The following L3MBTL4 variants were observed in gnomAD, a reference collection of about 807,000 sequenced individuals.
L3MBTL4 encodes lethal(3)malignant brain tumor-like protein 4.
Under a neutral mutation model 84.5 loss-of-function variants are expected in L3MBTL4, and 70 were observed. That is an observed-to-expected ratio of 0.83 (90% CI 0.68 to 1.01). L3MBTL4 has a LOEUF of 1.01. Among genes scored for constraint, L3MBTL4 ranks in the 50% least tolerant of loss-of-function variants. The pLI, the probability that L3MBTL4 is intolerant of heterozygous loss-of-function variation, is 0.00. For missense variants in L3MBTL4, 715 were observed against 754.8 expected (o/e 0.95, Z 0.62); for synonymous variants, 274 against 259.8 (o/e 1.05, Z -0.52).
chr18:6,157,215 C>T (rs2043142464), intron 13 of L3MBTL4, among the ~76,000 whole-genome samples: 1 of 152,154 alleles, frequency 6.6e-6, no homozygotes, highest in South Asian at 2.1e-4. Context: ...CTGCTGATTA[C>T]TTGCTTGCTG....
rs958772425 is a variant in L3MBTL4 at position 6,414,150 on chromosome 18, C to T, written c.-91+651G>A. 1 of 152,274 alleles carries T rather than the reference C, an allele frequency of 6.6e-6. No homozygotes were observed. The highest frequency in any genetic ancestry group is 2.4e-5 in the African/African-American group (1 of 41,458). The allele number at this position is 152,274 out of a possible 1,614,324, so 9.4% of individuals were successfully genotyped here. On this transcript the variant is annotated intron_variant, in intron 1 of 18. Transcript: ENST00000317931. The surrounding 1 kb of genome is among the most constrained non-coding windows in gnomAD (Gnocchi z 5.4). ...CAGGCGGTGGCAGGAGCCTGAGAGC[C>T]GCCGTCCCAGGCTGGCCAGGCGCCC... is the stretch of plus-strand genomic sequence containing the variant.
intron 1 of L3MBTL4, among the ~76,000 whole-genome samples, chr18:6,366,967 C>G (rs1477095534): frequency 6.6e-6 from 1 of 152,218 alleles, no homozygotes; most frequent in Non-Finnish European, 1.5e-5. Context: ...CAGTGCCTGG[C>G]AGTGACCTGA....
At chr18:6,011,710 T>C (rs1456873564) in intron 16 of L3MBTL4, among the ~76,000 whole-genome samples, 1 of 152,190 alleles carries the variant, frequency 6.6e-6, no homozygotes, top group African/African-American at 2.4e-5. Context: ...AAGTAGTCAC[T>C]AGCAATTAAT....
intron 1 of L3MBTL4, among the ~76,000 whole-genome samples, chr18:6,403,284 T>C (rs555131375): frequency 6.6e-6 from 1 of 152,356 alleles, no homozygotes; most frequent in African/African-American, 2.4e-5. Context: ...TCTGTGTATA[T>C]TAAGTAAAGG....
intron 14 of L3MBTL4, among the ~76,000 whole-genome samples, chr18:6,134,373 C>G (rs918256382): frequency 1.3e-5 from 2 of 152,158 alleles, no homozygotes; most frequent in African/African-American, 4.8e-5. Context: ...CATTTCAAAA[C>G]CCATCATGCC....
At position 6,093,060 on chromosome 18, in the gene L3MBTL4, T is replaced by A. The variant is rs373152902; in HGVS notation, c.1373+295A>T. Among the ~76,000 whole-genome samples the A allele has an allele frequency of 3.9e-5, 6 of 152,320 alleles. No individual in the cohort carries two copies. In the South Asian group the frequency reaches 6.2e-4, roughly 16 times the overall value. The stretch of plus-strand genomic sequence containing the variant: ...TCAAAAGAATAAAGACTTTTTAAGA[T>A]AAAAGGGAATCTTTTGGAATGGTAC... On this transcript the variant is annotated intron_variant, in intron 15 of 18. Coordinates refer to ENST00000317931, the MANE Select transcript of L3MBTL4 (RefSeq NM_001330559.2).
intron 14 of L3MBTL4, among the ~76,000 whole-genome samples, chr18:6,136,544 T>C (rs148209308): frequency 6.6e-6 from 1 of 152,318 alleles, no homozygotes; most frequent in Non-Finnish European, 1.5e-5. Flanking sequence ...ACCAATCAGA[T>C]GTTTGCATAG....
Position 6,000,577 on chromosome 18 carries a change from T to C in L3MBTL4, c.1445-31015A>G, listed in dbSNP as rs550270739. 3.3e-5 allele frequency among the ~76,000 whole-genome samples: 5 copies of C among 152,262 alleles called. No homozygotes were observed. The East Asian group carries it at 9.6e-4, about 29-fold the overall frequency. On this transcript the variant is annotated intron_variant, in intron 16 of 18. Transcript: ENST00000317931. ...AGAAGGTGATTCAACACATACATAA[T>C]TAGTGTGTCTGAGGAAAAATCAAAA... is the stretch of plus-strand genomic sequence containing the variant.
chr18:6,166,095 A>T (rs1381032995), intron 13 of L3MBTL4, among the ~76,000 whole-genome samples: 3 of 150,494 alleles, frequency 2.0e-5, no homozygotes, highest in Admixed American at 2.0e-4. Context: ...TCATTACATA[A>T]TGGTAAAGGG....
chr18:6,094,571 G>A (rs2058569552), intron 14 of L3MBTL4, among the ~76,000 whole-genome samples: 1 of 152,134 alleles, frequency 6.6e-6, no homozygotes, highest in African/African-American at 2.4e-5. Flanking sequence ...CGAGGCAGTT[G>A]ATTCTTTTCT....
chr18:6,308,822 G>A (rs1568469174), intron 3 of L3MBTL4, among the ~76,000 whole-genome samples: 1 of 152,060 alleles, frequency 6.6e-6, no homozygotes, highest in Non-Finnish European at 1.5e-5. Flanking sequence ...AATATTTAGG[G>A]GTTTAGTGTA....
intron 12 of L3MBTL4, among the ~76,000 whole-genome samples, chr18:6,208,761 A>C (rs1008198286): frequency 2.0e-5 from 3 of 152,234 alleles, no homozygotes; most frequent in African/African-American, 4.8e-5. Context: ...ATTAAACATA[A>C]TAGCTGGCTA....
At chr18:6,415,138 C>T (rs2056144744), upstream of L3MBTL4, 1 of 152,128 alleles carries the variant, frequency 6.6e-6, no homozygotes. Flanking sequence ...GGAAGGATTC[C>T]CCCAAATCTT....
chr18:5,960,018 A>ATATACATATG (rs2095254582), intron 18 of L3MBTL4, 76 bp downstream of exon 18: 1 of 276,724 alleles, frequency 3.6e-6, no homozygotes, highest in East Asian at 9.6e-5. Flanking sequence ...ATACATATAT[A>ATATACATATG]TATATACATA....
intron 16 of L3MBTL4, among the ~76,000 whole-genome samples, chr18:5,984,401 AC>A (rs561580549): frequency 4.3e-4 from 66 of 152,342 alleles, no homozygotes; most frequent in African/African-American, 1.5e-3. Context: ...ACTTTCATAT[AC>A]CACAGAAAAA....
At chr18:6,329,912 C>G (rs2051936284) in intron 1 of L3MBTL4, among the ~76,000 whole-genome samples, 1 of 152,188 alleles carries the variant, frequency 6.6e-6, no homozygotes, top group African/African-American at 2.4e-5. Context: ...CAAATCATAT[C>G]AGTATGCATA....
chr18:6,127,867 T>C (rs556421888), intron 14 of L3MBTL4, among the ~76,000 whole-genome samples: 3 of 152,276 alleles, frequency 2.0e-5, no homozygotes, highest in East Asian at 3.9e-4. Context: ...AAGTTCACCA[T>C]TGATGGGCTC....
intron 4 of L3MBTL4, among the ~76,000 whole-genome samples, chr18:6,287,166 A>G (rs2049632176): frequency 6.6e-6 from 1 of 152,186 alleles, no homozygotes; most frequent in Non-Finnish European, 1.5e-5. Flanking sequence ...ATGGGCTTTC[A>G]AAGTTGAAAG....
chr18:6,092,295 G>A (rs1286217280), intron 15 of L3MBTL4, among the ~76,000 whole-genome samples: 1 of 152,226 alleles, frequency 6.6e-6, no homozygotes, highest in African/African-American at 2.4e-5. Flanking sequence ...AAACCCATGT[G>A]AAAAGTGTAT....
Sources: gnomAD v4.1 joint callset for allele counts (sites outside exome capture counted in the v4.1 genomes callset) on GRCh38, gnomAD v4.1.1 for gene constraint, Gnocchi (gnomAD v3.1) non-coding constraint, MANE v1.5 for transcripts, NCBI Gene and HGNC (gene_info 2026-07-23, HGNC 2026-07-21) for gene names.